Variants in PTGDR observed in about 807,000 individuals in gnomAD.
PTGDR encodes prostaglandin D2 receptor.
Under a neutral mutation model 17.4 loss-of-function variants are expected in PTGDR, and 19 were observed. The ratio of observed to expected loss-of-function variants is 1.09; its 90% CI spans 0.76 to 1.60. PTGDR has a LOEUF of 1.60. Among genes scored for constraint, PTGDR ranks in the 40% most tolerant of loss-of-function variants. PTGDR has a pLI of 0.00. For synonymous variants in PTGDR, 267 were observed against 224.2 expected, an observed-to-expected ratio of 1.19 and a Z score of -1.71; for missense variants, 526 against 481.9, an observed-to-expected ratio of 1.09 and a Z score of -0.86.
At position 52,274,812 on chromosome 14, in the gene PTGDR, C is replaced by A; in HGVS notation, c.928C>A (p.Arg310=). The stretch of plus-strand genomic sequence containing the variant: ...AGAAGCAGAAGACCTCCGAGCCTTG[C>A]GATTTCTATCTGTGATTTCAATTGT... ...SEEAEDLRAL[R]FLSVISIVDP... Residue 310 remains arginine, a synonymous_variant, in exon 2 of 2, where the codon CGA becomes AGA. Coordinates refer to ENST00000306051, the MANE Select transcript of PTGDR (RefSeq NM_000953.3). 2 of 1,612,962 alleles carry A rather than the reference C, an allele frequency of 1.2e-6. No homozygotes were observed. The highest frequency in any genetic ancestry group is 1.7e-6 in the Non-Finnish European group (2 of 1,178,968).
chr14:52,279,924 A>C (rs2140014022), downstream of PTGDR, among the ~76,000 whole-genome samples: 1 of 152,238 alleles, frequency 6.6e-6, no homozygotes, highest in South Asian at 2.1e-4. Context: ...AATACAGTCA[A>C]GTCAAAGCTC....
rs142412552 is a variant in PTGDR, at chr14:52,268,515, G to T, written c.701G>T (p.Arg234Leu). 3.1e-6 allele frequency: 5 copies of T among 1,611,514 alleles called. No individual in the cohort carries two copies. The highest frequency in any genetic ancestry group is 2.2e-5 in the South Asian group (2 of 91,026). Residue 234 changes from arginine to leucine, a missense_variant, in exon 1 of 2, where the codon CGG becomes CTG. Physicochemically the swap from Arg to Leu is moderately radical, Grantham distance 102. Coordinates refer to ENST00000306051, the MANE Select transcript of PTGDR (RefSeq NM_000953.3). Reference protein sequence around the residue: ...NLYAMHRRLQRHPRSCTRDCA... With the variant: ...NLYAMHRRLQLHPRSCTRDCA... ...TATGCGATGCACCGGCGGCTGCAGC[G>T]GCACCCGCGCTCCTGCACCAGGGAC...
chr14:52,271,889 A>G (rs975358350), intron 1 of PTGDR, among the ~76,000 whole-genome samples: 1 of 152,214 alleles, frequency 6.6e-6, no homozygotes, highest in African/African-American at 2.4e-5. Flanking sequence ...GGACCTAGCA[A>G]TTGTATCTTT....
At chr14:52,268,737 A>C (rs951143796) in intron 1 of PTGDR, 77 bp downstream of exon 1, 11 of 1,442,962 alleles carry the variant, frequency 7.6e-6, no homozygotes, top group Non-Finnish European at 1.0e-5. Context: ...GGTGGAGCGG[A>C]TCGGGATGGA....
chr14:52,269,609 G>T, intron 1 of PTGDR: 1 of 1,260,104 alleles, frequency 7.9e-7, no homozygotes, highest in Non-Finnish European at 1.1e-6. Context: ...GAAATCCTGA[G>T]ACTTCTGTGA....
Position 52,268,674 on chromosome 14 carries a change from C to A in PTGDR, c.846+14C>A. The A allele has an allele frequency of 6.4e-7, 1 of 1,552,218 alleles. No homozygotes were observed. Among genetic ancestry groups the A allele is most frequent in the South Asian group, 1.2e-5 (1 of 81,428 alleles). ...CTGCCCGTAATTGTGAGTCCCCGGG[C>A]CCCGAGGCAGCAGGGCACTGAGACT... is the stretch of plus-strand genomic sequence containing the variant. On this transcript the variant is annotated intron_variant, in intron 1 of 1. Transcript: ENST00000306051.
chr14:52,280,520 A>G (rs976898083), downstream of PTGDR, among the ~76,000 whole-genome samples: 3 of 152,200 alleles, frequency 2.0e-5, no homozygotes, highest in African/African-American at 7.2e-5. Flanking sequence ...GTCCACACGG[A>G]AATTCCTTGG....
chr14:52,268,259 G>T lies in PTGDR; in HGVS notation c.445G>T (p.Gly149Cys). ...FYRRHITLRL[G>C]ALVAPVVSAF... Reference sequence around the variant, plus strand: ...CCGACGGCACATCACCCTGCGCCTGGGCGCACTGGTGGCCCCGGTGGTGAG... The same window carrying T: ...CCGACGGCACATCACCCTGCGCCTGTGCGCACTGGTGGCCCCGGTGGTGAG... The change falls in exon 1 of 2, where the codon GGC (glycine) becomes TGC (cysteine). Residue 149 changes from glycine to cysteine, a missense_variant. Gly to Cys is a radical substitution (Grantham distance 159, BLOSUM62 -3). Transcript: ENST00000306051. The T allele has an allele frequency of 6.2e-7, 1 of 1,614,008 alleles. No homozygotes were observed. The highest frequency in any genetic ancestry group is 2.2e-5 in the East Asian group (1 of 44,880).
Position 52,268,626 on chromosome 14 carries a change from C to A in PTGDR, c.812C>A (p.Thr271Asn). 6.2e-7 allele frequency: 1 copy of A among 1,600,436 alleles called. No homozygotes were observed. Reference sequence around the variant, plus strand: ...CACCTCCTGCTGCTGGCGCTGATGACCGTGCTCTTCACTATGTGTTCTCTG... The same window carrying A: ...CACCTCCTGCTGCTGGCGCTGATGAACGTGCTCTTCACTATGTGTTCTCTG... ...LDHLLLLALM[T>N]VLFTMCSLPV... Residue 271 changes from threonine (T) to asparagine (N), a missense_variant, in exon 1 of 2, where the codon ACC (threonine) becomes AAC (asparagine). Transcript: ENST00000306051.
At chr14:52,277,823 T>C (rs2033448008), downstream of PTGDR, among the ~76,000 whole-genome samples, 1 of 152,092 alleles carries the variant, frequency 6.6e-6, no homozygotes, top group Admixed American at 6.5e-5. Flanking sequence ...TTCTCATGCA[T>C]GCTAATATTT....
Position 52,275,124 on chromosome 14 carries a change from C to A in PTGDR, c.*160C>A. The A allele has an allele frequency of 1.6e-6, 1 of 636,750 alleles. No homozygotes were observed. Among genetic ancestry groups the A allele is most frequent in the Non-Finnish European group, 2.7e-6 (1 of 375,826 alleles). The allele number at this position is 636,750 out of a possible 1,614,324, so 39.4% of individuals were successfully genotyped here. A position where few individuals can be genotyped will look rare whatever the true frequency, so the allele number is the denominator to read the frequency against. On this transcript the variant is annotated 3_prime_UTR_variant, in exon 2 of 2. Transcript: ENST00000306051. ...TTTTCAAAAGTATTTGATATCTTAA[C>A]AATGTGTTACCATTCTATAGTCATG...
downstream of PTGDR, among the ~76,000 whole-genome samples, chr14:52,280,518 G>A (rs542572538): frequency 8.5e-5 from 13 of 152,254 alleles, no homozygotes; most frequent in South Asian, 1.7e-3. Flanking sequence ...TTGTCCACAC[G>A]GAAATTCCTT....
Position 52,275,062 on chromosome 14 carries a change from T to A in PTGDR, c.*98T>A. The A allele has an allele frequency of 2.0e-6, 2 of 986,832 alleles. No homozygotes were observed. Among genetic ancestry groups the A allele is most frequent in the Non-Finnish European group, 2.9e-6 (2 of 679,444 alleles). 61.1% of individuals were successfully genotyped at this position (986,832 alleles called of 1,614,324 possible). A position where few individuals can be genotyped will look rare whatever the true frequency, so the allele number is the denominator to read the frequency against. ...AAAGACAACTTACAATTTAAATCCTTAAAAGTTACCTCCCATAACAAAAGC... is the reference window on the plus strand; with the variant it reads ...AAAGACAACTTACAATTTAAATCCTAAAAAGTTACCTCCCATAACAAAAGC... On this transcript the variant is annotated 3_prime_UTR_variant, in exon 2 of 2. Transcript: ENST00000306051.
chr14:52,271,880 G>A (rs950179729), intron 1 of PTGDR, among the ~76,000 whole-genome samples: 31 of 152,190 alleles, frequency 2.0e-4, no homozygotes, highest in Non-Finnish European at 4.3e-4. Context: ...CTAAGTAATG[G>A]ACCTAGCAAT....
rs533463038 is a variant in PTGDR at position 52,269,303 on chromosome 14, G to A, written c.846+643G>A. 30 of 649,416 alleles carry A rather than the reference G, an allele frequency of 4.6e-5. No homozygotes were observed. The African/African-American group carries it at 4.7e-4, about 10-fold the overall frequency. The allele number at this position is 649,416 out of a possible 1,614,324, so 40.2% of individuals were successfully genotyped here. A position where few individuals can be genotyped will look rare whatever the true frequency, so the allele number is the denominator to read the frequency against. ...CGATGGAGGCCGAGGCTCTTTGTAT[G>A]TTTTAGCTGCTGGTGTCGTTTTGAC... is the stretch of plus-strand genomic sequence containing the variant. On this transcript the variant is annotated intron_variant, in intron 1 of 1. Transcript: ENST00000306051.
At chr14:52,272,203 C>T (rs531232727) in intron 1 of PTGDR, among the ~76,000 whole-genome samples, 2 of 152,252 alleles carry the variant, frequency 1.3e-5, no homozygotes, top group South Asian at 4.1e-4. Context: ...GCTGGTGGCT[C>T]ACACTTGTAA....
chr14:52,273,739 C>T (rs2033365964), intron 1 of PTGDR, among the ~76,000 whole-genome samples: 1 of 152,214 alleles, frequency 6.6e-6, no homozygotes, highest in Non-Finnish European at 1.5e-5. Flanking sequence ...TGGGTCCAGT[C>T]TCTTATCCAT....
chr14:52,269,433 TA>T (rs1386966359), intron 1 of PTGDR: 17 of 1,487,520 alleles, frequency 1.1e-5, no homozygotes, highest in Non-Finnish European at 1.5e-5. Context: ...GAAATGAAAT[TA>T]TCTCCTCATT....
At chr14:52,269,375 A>C in intron 1 of PTGDR, 1 of 1,235,150 alleles carries the variant, frequency 8.1e-7, no homozygotes, top group Non-Finnish European at 1.1e-6. Context: ...GTGAGGTGAC[A>C]TGAAAGCCAT....
Sources: allele counts gnomAD v4.1 joint callset (sites outside exome capture counted in the v4.1 genomes callset), GRCh38; gene constraint gnomAD v4.1.1; transcripts MANE v1.5; gene names NCBI Gene and HGNC (gene_info 2026-07-23, HGNC 2026-07-21).